Variants in ZP3 observed in about 807,000 individuals in gnomAD.
ZP3 encodes the protein zona pellucida glycoprotein 3, also known as zona pellucida sperm-binding protein 3.
Under a neutral mutation model 35.6 loss-of-function variants are expected in ZP3, and 21 were observed. The observed-to-expected ratio is 0.59, with a 90% CI of 0.42 to 0.85. The LOEUF is 0.85. Among genes scored for constraint, ZP3 ranks in the 40% least tolerant of loss-of-function variants. ZP3 has a pLI of 0.00. For missense variants in ZP3, 437 were observed against 536.5 expected (o/e 0.81, Z 1.83); for synonymous variants, 207 against 214.5 (o/e 0.96, Z 0.31).
intron 1 of ZP3, among the ~76,000 whole-genome samples, chr7:76,426,907 C>CACACACACACACACACACACACAA (rs57796274): frequency 0.04 from 5,049 of 126,666 alleles, 191 homozygotes; most frequent in Non-Finnish European, 0.048. Context: ...CACACACACA[C>CACACACACACACACACACACACAA]AATAGGGTGT....
intron 1 of ZP3, among the ~76,000 whole-genome samples, chr7:76,403,882 C>T (rs1286348514): frequency 6.6e-6 from 1 of 152,030 alleles, no homozygotes; most frequent in Non-Finnish European, 1.5e-5. Context: ...AGGCTGGTCT[C>T]AAACTCCTGA....
At chr7:76,417,220 G>C (rs772842555) in intron 1 of ZP3, among the ~76,000 whole-genome samples, 11 of 151,916 alleles carry the variant, frequency 7.2e-5, no homozygotes, top group African/African-American at 2.7e-4. Flanking sequence ...ACCATGCCCG[G>C]CTAATTTGTT....
At chr7:76,406,869 C>CT (rs1439157931) in intron 1 of ZP3, among the ~76,000 whole-genome samples, 1 of 151,752 alleles carries the variant, frequency 6.6e-6, no homozygotes, top group African/African-American at 2.4e-5. Context: ...CCTTCCTTCA[C>CT]TTTTTTTATG....
intron 7 of ZP3, among the ~76,000 whole-genome samples, 155 bp from the exon 8 acceptor site, chr7:76,441,687 C>T (rs946120572): frequency 1.8e-4 from 28 of 152,136 alleles, no homozygotes; most frequent in Non-Finnish European, 3.2e-4. Flanking sequence ...CACACCTGGC[C>T]GAGAAAGCTG....
At chr7:76,422,826 C>T (rs1054974101), upstream of ZP3, among the ~76,000 whole-genome samples, 5 of 150,700 alleles carry the variant, frequency 3.3e-5, no homozygotes, top group African/African-American at 7.3e-5. Flanking sequence ...GGTGAAACCC[C>T]GTCTTTACTA....
At chr7:76,398,595 A>G (rs112701136) in intron 1 of ZP3, 262,355 of 1,115,998 alleles carry the variant, frequency 0.24, 32,776 homozygotes, top group African/African-American at 0.39. Context: ...GTGAGCCACC[A>G]TGCCCAGCCA....
intron 1 of ZP3, chr7:76,400,134 C>A: frequency 1.2e-6 from 1 of 856,834 alleles, no homozygotes; most frequent in Non-Finnish European, 1.6e-6. Flanking sequence ...GGGACCCAGG[C>A]TGGGGTTCTT....
At chr7:76,414,696 C>CTTTTT (rs562055219) in intron 1 of ZP3, among the ~76,000 whole-genome samples, 2 of 53,192 alleles carry the variant, frequency 3.8e-5, no homozygotes, top group Non-Finnish European at 6.4e-5. Flanking sequence ...CCTCCTCCTC[C>CTTTTT]TTTTTTTTTT....
chr7:76,407,338 C>CTTT (rs71882894), intron 1 of ZP3, among the ~76,000 whole-genome samples: 56 of 146,850 alleles, frequency 3.8e-4, no homozygotes, highest in Middle Eastern at 7.2e-3. Context: ...GGGAGGATCT[C>CTTT]TTTTTTTTTT....
Position 76,425,174 on chromosome 7 carries a change from C to T in ZP3, c.210C>T (p.Asp70=), listed in dbSNP as rs535069290. 3.1e-6 allele frequency: 5 copies of T among 1,614,020 alleles called. No homozygotes were observed. The African/African-American group carries it at 6.7e-5, about 22-fold the overall frequency. ...FGTGKLIRAA[D]LTLGPEACEP... is the part of the protein sequence containing the mutation. The stretch of plus-strand genomic sequence containing the variant: ...CCGGGAAGCTCATCAGGGCTGCTGA[C>T]CTCACCTTGGGCCCAGAGGCCTGTG... Residue 70 remains aspartate, a synonymous_variant, in exon 1 of 8, where the codon GAC becomes GAT. Coordinates refer to ENST00000394857, the MANE Select transcript of ZP3 (RefSeq NM_001110354.2).
intron 1 of ZP3, among the ~76,000 whole-genome samples, 157 bp downstream of exon 1, chr7:76,425,433 G>A (rs762909731): frequency 3.0e-4 from 46 of 152,274 alleles, no homozygotes; most frequent in Non-Finnish European, 5.1e-4. Context: ...TGGCACTGAG[G>A]TCACCGGACC....
chr7:76,412,772 C>T (rs909887709), intron 1 of ZP3, among the ~76,000 whole-genome samples: 5 of 151,562 alleles, frequency 3.3e-5, no homozygotes, highest in Admixed American at 6.6e-5. Flanking sequence ...TCGCTTGAAC[C>T]CGGGAGGCGG....
At chr7:76,407,801 C>G (rs922438074) in intron 1 of ZP3, among the ~76,000 whole-genome samples, 2 of 152,186 alleles carry the variant, frequency 1.3e-5, no homozygotes, top group African/African-American at 2.4e-5. Context: ...CACCATGTAA[C>G]CAGTGTCCCA....
chr7:76,428,792 C>G (rs923718027), intron 1 of ZP3: 2 of 152,574 alleles, frequency 1.3e-5, no homozygotes, highest in African/African-American at 4.8e-5. Flanking sequence ...AGCGATTCTT[C>G]TGCCTCAGTC....
chr7:76,411,586 C>T (rs1434521423), intron 1 of ZP3, among the ~76,000 whole-genome samples: 3 of 151,272 alleles, frequency 2.0e-5, no homozygotes, highest in Non-Finnish European at 4.4e-5. Context: ...AAAAAAAGAA[C>T]GATGATGAGT....
At chr7:76,414,673 T>C (rs1805324691) in intron 1 of ZP3, among the ~76,000 whole-genome samples, 1 of 127,462 alleles carries the variant, frequency 7.8e-6, no homozygotes, top group Admixed American at 8.6e-5. Flanking sequence ...CCCTTTCCCC[T>C]TCCCCTTCCC....
chr7:76,436,030 C>CTTTTTTTTTTTTT (rs60553917), intron 5 of ZP3, among the ~76,000 whole-genome samples: 3 of 74,358 alleles, frequency 4.0e-5, no homozygotes, highest in Admixed American at 3.8e-4. Flanking sequence ...CCCCCGCCCC[C>CTTTTTTTTTTTTT]TTTTTTTTTT....
chr7:76,440,601 C>G lies in ZP3; in HGVS notation c.1050C>G (p.Asn350Lys). Residue 350 changes from asparagine (N) to lysine (K), a missense_variant, in exon 7 of 8, where the codon AAC becomes AAG. Asn to Lys is a moderately conservative substitution (Grantham distance 94, BLOSUM62 0). This residue lies in a region of ZP3 where 41 missense variants were observed against 50.2 expected (regional missense o/e 0.82). Coordinates refer to ENST00000394857, the MANE Select transcript of ZP3 (RefSeq NM_001110354.2). The stretch of plus-strand genomic sequence containing the variant: ...AGTGGTCCAGGTCTGCTTCCCGTAA[C>G]CGCAGGCATGGTATGTCACAGAATG... ...MSQWSRSASR[N>K]RRHVTEEADV... 11 of 1,612,674 alleles carry G rather than the reference C, an allele frequency of 6.8e-6. No individual in the cohort carries two copies. Among genetic ancestry groups the G allele is most frequent in the Non-Finnish European group, 8.5e-6 (10 of 1,178,972 alleles).
Position 76,440,349 on chromosome 7 carries a change from G to A in ZP3, c.923+8G>A, listed in dbSNP as rs762689939. 9.5e-6 allele frequency: 15 copies of A among 1,585,010 alleles called. No homozygotes were observed. Among genetic ancestry groups the A allele is most frequent in the Non-Finnish European group, 7.7e-6 (9 of 1,163,408 alleles). On this transcript the variant is annotated splice_region_variant and intron_variant, in intron 6 of 7. Transcript: ENST00000394857. ...CAGCAAGCCTTCCAACAGGTGAGGA[G>A]GACAGGTGCTCCGTGACTGGAGTAG...
Sources: gnomAD v4.1 joint callset for allele counts (sites outside exome capture counted in the v4.1 genomes callset) on GRCh38, gnomAD v4.1.1 for gene constraint, gnomAD v4.1.1 regional missense constraint, MANE v1.5 for transcripts, NCBI Gene and HGNC (gene_info 2026-07-23, HGNC 2026-07-21) for gene names.